AHNAK: variants seen among roughly 807,000 people sequenced by gnomAD.
AHNAK encodes the protein AHNAK nucleoprotein, also known as neuroblast differentiation-associated protein AHNAK.
In AHNAK, 23 loss-of-function variants were observed where a neutral mutation model predicts 37.8. That is an observed-to-expected ratio of 0.61 (90% confidence interval 0.44 to 0.86). The LOEUF (loss-of-function observed/expected upper bound fraction) is 0.86, where lower values mean the gene tolerates loss of function less well. Among genes scored for constraint, AHNAK ranks in the 40% least tolerant of loss-of-function variants. The pLI, the probability that AHNAK is intolerant of heterozygous loss-of-function variation, is 0.00. For missense variants in AHNAK, 7,411 were observed against 7,319.4 expected (o/e 1.01, Z -0.46); for synonymous variants, 2,481 against 2,636.3 (o/e 0.94, Z 1.80).
At chr11:62,472,172 G>A (rs570871998) in intron 5 of AHNAK, among the ~76,000 whole-genome samples, 58 of 151,980 alleles carry the variant, frequency 3.8e-4, no homozygotes, top group African/African-American at 1.1e-3. Flanking sequence ...TTCCCATGCC[G>A]TCACACCACC....
Position 62,516,161 on chromosome 11 carries a change from A to C in AHNAK, c.*583T>G. On this transcript the variant is annotated 3_prime_UTR_variant, in exon 5 of 5. Transcript: ENST00000378024. The stretch of plus-strand genomic sequence containing the variant: ...TAATTTCCTCTCACCGTCAGCACCA[A>C]ACTGGCTGGGACCACCACCCCTGGG... The C allele has an allele frequency of 7.8e-7, 1 of 1,289,114 alleles. No individual in the cohort carries two copies. The highest frequency in any genetic ancestry group is 2.3e-5 in the Admixed American group (1 of 43,550). The allele number at this position is 1,289,114 out of a possible 1,614,324, so 79.9% of individuals were successfully genotyped here.
chr11:62,518,788 C>A lies in AHNAK; in HGVS notation c.15629G>T (p.Gly5210Val), dbSNP rs763253490. The A allele has an allele frequency of 6.2e-6, 10 of 1,614,112 alleles. No individual in the cohort carries two copies. Among genetic ancestry groups the A allele is most frequent in the African/African-American group, 2.7e-5 (2 of 74,940 alleles). The change falls in exon 5 of 5, where the codon GGT becomes GTT. Residue 5210 changes from glycine (G) to valine (V), a missense_variant. By Grantham distance (109) the Gly-to-Val change is moderately radical. Transcript: ENST00000378024. ...TTCCAGTCCCACGCTGGGGACATCA[C>A]CCTTTATCTTTGGTCCTTTCAAGTT... ...NVNLKGPKIK[G>V]DVPSVGLEGP...
At chr11:62,462,170 C>T (rs577446568) in intron 5 of AHNAK, among the ~76,000 whole-genome samples, 1 of 152,112 alleles carries the variant, frequency 6.6e-6, no homozygotes, top group Non-Finnish European at 1.5e-5. Flanking sequence ...CAGCGTCTTA[C>T]CTTCCCAACT....
chr11:62,462,229 G>A lies in AHNAK; in HGVS notation c.443-28338C>T, dbSNP rs1487741398. 5.8e-5 allele frequency among the ~76,000 whole-genome samples: 4 copies of A among 68,828 alleles called. No homozygotes were observed. The East Asian group carries it at 1.1e-3, about 19-fold the overall frequency. 45.2% of individuals were successfully genotyped at this position (68,828 alleles called of 152,430 possible). On this transcript the variant is annotated intron_variant, in intron 5 of 5. Transcript: ENST00000257247. ...CCACCCCAACGCCCACCCTCCACCC[G>A]CTGGGCCTCCGCCACCTGACCTCCG...
chr11:62,519,193 A>G lies in AHNAK; in HGVS notation c.15224T>C (p.Val5075Ala). Reference sequence around the variant, plus strand: ...CGTTTTCTTGGTTTTGGGCGATTTCACGTCGACTTTGAGTGCAGCATCCGG... The same window carrying G: ...CGTTTTCTTGGTTTTGGGCGATTTCGCGTCGACTTTGAGTGCAGCATCCGG... ...AGPDAALKVD[V>A]KSPKTKKTMF... The change falls in exon 5 of 5, where the codon GTG becomes GCG. Residue 5075 changes from valine to alanine, a missense_variant. Transcript: ENST00000378024. 6.2e-7 allele frequency: 1 copy of G among 1,613,224 alleles called. No individual in the cohort carries two copies. Among genetic ancestry groups the G allele is most frequent in the East Asian group, 2.2e-5 (1 of 44,880 alleles).
At chr11:62,441,208 G>T (rs1348895978) in intron 5 of AHNAK, among the ~76,000 whole-genome samples, 1 of 151,718 alleles carries the variant, frequency 6.6e-6, no homozygotes, top group Non-Finnish European at 1.5e-5. Flanking sequence ...CATCATGTTG[G>T]CCAGGCTAGT....
In AHNAK at chr11:62,531,575, T is replaced by G. The variant is rs190038336; in HGVS notation, c.2842A>C (p.Met948Leu). The G allele has an allele frequency of 6.2e-7, 1 of 1,614,040 alleles. No homozygotes were observed. Among genetic ancestry groups the G allele is most frequent in the Non-Finnish European group, 8.5e-7 (1 of 1,180,020 alleles). Residue 948 changes from methionine to leucine, a missense_variant, in exon 5 of 5, where the codon ATG becomes CTG. Coordinates refer to ENST00000378024, the MANE Select transcript of AHNAK (RefSeq NM_001620.3). ...EMNIKAPKISMPDVDLHMKGP... is the reference protein window; with the variant it reads ...EMNIKAPKISLPDVDLHMKGP... Reference sequence around the variant, plus strand: ...TTCATATGCAAGTCCACATCAGGCATGGAGATCTTGGGGGCCTTGATATTC... The same window carrying G: ...TTCATATGCAAGTCCACATCAGGCAGGGAGATCTTGGGGGCCTTGATATTC...
chr11:62,480,336 G>A (rs532217799), intron 5 of AHNAK, among the ~76,000 whole-genome samples: 1 of 152,240 alleles, frequency 6.6e-6, no homozygotes, highest in South Asian at 2.1e-4. Flanking sequence ...TCCATTCAGA[G>A]GCTAATCAGG....
chr11:62,435,101 T>TTG (rs1407201158), intron 5 of AHNAK, among the ~76,000 whole-genome samples: 3 of 152,158 alleles, frequency 2.0e-5, no homozygotes, highest in Admixed American at 6.5e-5. Context: ...AACTACCTCC[T>TTG]GCCCTCCCCC....
At chr11:62,539,322 C>T (rs1941051205) in intron 1 of AHNAK, among the ~76,000 whole-genome samples, 1 of 152,226 alleles carries the variant, frequency 6.6e-6, no homozygotes, top group Admixed American at 6.5e-5. Context: ...CCCAGACACC[C>T]CTGTCCTCCT....
At chr11:62,443,337 A>G (rs1311078667) in intron 5 of AHNAK, among the ~76,000 whole-genome samples, 1 of 140,686 alleles carries the variant, frequency 7.1e-6, no homozygotes, top group Admixed American at 7.6e-5. Flanking sequence ...CAATGGTGCG[A>G]TCTCAGCTCA....
intron 5 of AHNAK, among the ~76,000 whole-genome samples, chr11:62,482,404 G>C (rs1939293955): frequency 3.1e-5 from 2 of 64,262 alleles, no homozygotes; most frequent in South Asian, 1.4e-3. Flanking sequence ...GACAGAGCGA[G>C]ACTGTCTCAA....
rs752076397 is a variant in AHNAK at position 62,527,071 on chromosome 11, T to G, written c.7346A>C (p.Lys2449Thr). Residue 2449 changes from lysine to threonine, a missense_variant, in exon 5 of 5, where the codon AAA becomes ACA. By Grantham distance (78) the Lys-to-Thr change is moderately conservative. Transcript: ENST00000378024. ...ATCAGGCATAGAAATATTGGGGGCT[T>G]TGAAATGCATATCAGGCATCTTGAA... ...PKFKMPDMHF[K>T]APNISMPDVD... 1.4e-5 allele frequency: 22 copies of G among 1,614,082 alleles called. No homozygotes were observed. Among genetic ancestry groups the G allele is most frequent in the Admixed American group, 3.3e-5 (2 of 60,004 alleles).
At chr11:62,470,132 A>G (rs1939002361) in intron 5 of AHNAK, among the ~76,000 whole-genome samples, 1 of 151,720 alleles carries the variant, frequency 6.6e-6, no homozygotes, top group Admixed American at 6.6e-5. Flanking sequence ...GTGAAACCCC[A>G]TCTCTACTAA....
rs780106413 is a variant in AHNAK at position 62,529,617 on chromosome 11, G to A, written c.4800C>T (p.Ser1600=). ...APKLKTDVDV[S]LPKVEGDLKG... ...TCAAGTCTCCTTCCACTTTGGGAAG[G>A]GAAACATCTACATCAGTTTTCAGTT... The change falls in exon 5 of 5, where the codon TCC becomes TCT. Residue 1600 remains serine (S), a synonymous_variant. Coordinates refer to ENST00000378024, the MANE Select transcript of AHNAK (RefSeq NM_001620.3). 3 of 1,614,130 alleles carry A rather than the reference G, an allele frequency of 1.9e-6. No individual in the cohort carries two copies. In the South Asian group the frequency reaches 3.3e-5, roughly 18 times the overall value.
intron 5 of AHNAK, among the ~76,000 whole-genome samples, chr11:62,444,587 C>A (rs1179423540): frequency 6.6e-6 from 1 of 152,250 alleles, no homozygotes; most frequent in African/African-American, 2.4e-5. Flanking sequence ...TCCCGCTGGC[C>A]TTCTAGCTCT....
intron 5 of AHNAK, among the ~76,000 whole-genome samples, chr11:62,480,705 C>G (rs1028919341): frequency 6.7e-6 from 1 of 149,642 alleles, no homozygotes. Flanking sequence ...AGGCCTGACT[C>G]TTTCTCAGTG....
At chr11:62,441,970 G>A (rs1938316041) in intron 5 of AHNAK, among the ~76,000 whole-genome samples, 1 of 152,078 alleles carries the variant, frequency 6.6e-6, no homozygotes, top group Non-Finnish European at 1.5e-5. Flanking sequence ...CTTTGGTGGG[G>A]TCACAAGTCG....
Position 62,533,766 on chromosome 11 carries a change from C to T in AHNAK, c.651G>A (p.Pro217=), listed in dbSNP as rs754009092. ...CTCGGATATCCACAGCAGAGCCTGT[C>T]GGAGAGGCTGCCCCCGAGCCCGAGG... ...RLPSGSGAAS[P]TGSAVDIRAG... Residue 217 remains proline, a synonymous_variant, in exon 5 of 5, where the codon CCG becomes CCA. Transcript: ENST00000378024. The T allele has an allele frequency of 9.3e-6, 15 of 1,614,062 alleles. No homozygotes were observed. The highest frequency in any genetic ancestry group is 6.7e-5 in the East Asian group (3 of 44,890).
Sources: allele counts gnomAD v4.1 joint callset (sites outside exome capture counted in the v4.1 genomes callset), GRCh38; gene constraint gnomAD v4.1.1; transcripts MANE v1.5; gene names NCBI Gene and HGNC (gene_info 2026-07-23, HGNC 2026-07-21).